The following SLC38A10 variants were observed in gnomAD, a reference collection of about 807,000 sequenced individuals.
SLC38A10 encodes solute carrier family 38 member 10.
A neutral mutation model predicts 81.0 loss-of-function variants in SLC38A10; 53 were observed. That is an observed-to-expected ratio of 0.65 (90% CI 0.53 to 0.82). The LOEUF (loss-of-function observed/expected upper bound fraction) is 0.82. SLC38A10 is among the 40% of genes least tolerant of loss of function. SLC38A10 has a pLI of 0.00. For missense variants in SLC38A10, 1,471 were observed against 1,545.0 expected, an observed-to-expected ratio of 0.95 and a Z score of 0.80; for synonymous variants, 665 against 655.3, an observed-to-expected ratio of 1.01 and a Z score of -0.23.
At position 81,245,812 on chromosome 17, in the gene SLC38A10, G is replaced by A; in HGVS notation, c.3104C>T (p.Ala1035Val). 3 of 1,608,908 alleles carry A rather than the reference G, an allele frequency of 1.9e-6. No homozygotes were observed. Among genetic ancestry groups the A allele is most frequent in the Non-Finnish European group, 2.5e-6 (3 of 1,177,100 alleles). Residue 1035 changes from alanine (A) to valine (V), a missense_variant, in exon 16 of 16, where the codon GCC becomes GTC. Transcript: ENST00000374759. ...CAGTTTCAGGTCCCGGTTGGGCTTG[G>A]CATTGTCCGGCCTCTGGCCCCCCGG... Reference protein sequence around the residue: ...AVPGGQRPDNAKPNRDLKLQA... With the variant: ...AVPGGQRPDNVKPNRDLKLQA...
At chr17:81,251,104 G>C (rs1414560703) in intron 14 of SLC38A10, 1 of 1,503,008 alleles carries the variant, frequency 6.7e-7, no homozygotes, top group African/African-American at 1.4e-5. Context: ...TCTGGGTGCA[G>C]GCACGCCCAC....
At chr17:81,273,314 C>A (rs1484607415) in intron 8 of SLC38A10, among the ~76,000 whole-genome samples, 1 of 152,144 alleles carries the variant, frequency 6.6e-6, no homozygotes, top group Non-Finnish European at 1.5e-5. Context: ...CAGCTGTGGT[C>A]TCTAGTACAG....
In SLC38A10 at chr17:81,246,906, C is replaced by T. The variant is rs374679184; in HGVS notation, c.2221G>A (p.Glu741Lys). ...KEIHQQRQED[E>K]EDKPRQVEVH... ...CTACCCTGCCTGGGTTTATCCTCCT[C>T]GTCCTCCTGCCTCTGCTGGTGGATC... The change falls in exon 15 of 16, where the codon GAG becomes AAG. Residue 741 changes from glutamate (E) to lysine (K), a missense_variant. By Grantham distance (56) the Glu-to-Lys change is moderately conservative. Around this residue, in one of 2 missense-constraint regions of SLC38A10, gnomAD observed 751 missense variants for 717.4 expected, o/e 1.05. Transcript: ENST00000374759. The T allele has an allele frequency of 1.9e-5, 31 of 1,602,306 alleles. No homozygotes were observed. The East Asian group carries it at 3.1e-4, about 16-fold the overall frequency.
Position 81,284,850 on chromosome 17 carries a change from C to A in SLC38A10, c.263G>T (p.Ser88Ile). 1 of 1,541,972 alleles carries A rather than the reference C, an allele frequency of 6.5e-7. No individual in the cohort carries two copies. The highest frequency in any genetic ancestry group is 2.0e-5 in the Admixed American group (1 of 49,996). ...GKAGKMLVET[S>I]MIGLMLGTCI... ...AGCGCAGCGGCAGGGCGGGGCTTAC[C>A]TGGTCTCCACCAGCATCTTGCCTGC... Residue 88 changes from serine (S) to isoleucine (I), a missense_variant and splice_region_variant, in exon 3 of 16, where the codon AGC becomes ATC. This residue lies in a region of SLC38A10 where 720 missense variants were observed against 827.7 expected (regional missense o/e 0.87). Transcript: ENST00000374759.
intron 13 of SLC38A10, 151 bp from the exon 14 acceptor site, chr17:81,251,763 T>C (rs1399495095): frequency 1.3e-6 from 1 of 791,236 alleles, no homozygotes; most frequent in Non-Finnish European, 1.8e-6. Context: ...TTCAACCTGA[T>C]GATTACTAGC....
intron 10 of SLC38A10, among the ~76,000 whole-genome samples, chr17:81,268,586 G>C (rs1567936624): frequency 6.6e-6 from 1 of 151,622 alleles, no homozygotes; most frequent in Non-Finnish European, 1.5e-5. Context: ...ATTACTATTT[G>C]AAACAACAAT....
At chr17:81,259,052 T>C (rs1393014953) in intron 11 of SLC38A10, among the ~76,000 whole-genome samples, 1 of 152,222 alleles carries the variant, frequency 6.6e-6, no homozygotes, top group East Asian at 1.9e-4. Flanking sequence ...GTGACAACGC[T>C]GGGAAGGAGC....
chr17:81,281,590 G>C lies in SLC38A10; in HGVS notation c.501+599C>G, dbSNP rs1185487379. ...AGGAGTTCGAGACCAGCCTGGCCAA[G>C]ATGGTGAAACCCCTTCTCTACTAAA... On this transcript the variant is annotated intron_variant, in intron 5 of 15. Coordinates refer to ENST00000374759, the MANE Select transcript of SLC38A10 (RefSeq NM_001037984.3). This position sits in a 1 kb window ranked among gnomAD's most constrained non-coding sequence, Gnocchi z 5.3. 6.6e-6 allele frequency among the ~76,000 whole-genome samples: 1 copy of C among 152,016 alleles called. No individual in the cohort carries two copies. The highest frequency in any genetic ancestry group is 1.5e-5 in the Non-Finnish European group (1 of 67,996).
rs757330583 is a variant in SLC38A10 at position 81,277,166 on chromosome 17, TGA to T, written c.627-35_627-34del. The T allele has an allele frequency of 4.2e-5, 67 of 1,601,768 alleles. No individual in the cohort carries two copies. The East Asian group carries it at 1.5e-3, about 35-fold the overall frequency. ...GAAACAGGCCATTTCACAGCGGACC[TGA>T]GAGAGGCACGCCCTCCCCAGCGGCT... is the stretch of plus-strand genomic sequence containing the variant. On this transcript the variant is annotated intron_variant, in intron 6 of 15. Transcript: ENST00000374759. This position sits in a 1 kb window ranked among gnomAD's most constrained non-coding sequence, Gnocchi z 4.5.
At chr17:81,280,974 G>C (rs2063207224) in intron 5 of SLC38A10, among the ~76,000 whole-genome samples, 1 of 152,226 alleles carries the variant, frequency 6.6e-6, no homozygotes. Flanking sequence ...CATCCCGCGG[G>C]CACCAGAGCA....
rs1314061755 is a variant in SLC38A10, at chr17:81,253,737, T to C, written c.1289-497A>G. Among the ~76,000 whole-genome samples, 2 of 101,016 alleles carry C rather than the reference T, an allele frequency of 2.0e-5. No individual in the cohort carries two copies. Among genetic ancestry groups the C allele is most frequent in the African/African-American group, 6.1e-5 (1 of 16,426 alleles). The allele number at this position is 101,016 out of a possible 152,430, so 66.3% of individuals were successfully genotyped here. ...TCACCATCATCACCATCTCCATCCC[T>C]ACCACCATCACCATCATCATCACCG... On this transcript the variant is annotated intron_variant, in intron 11 of 15. Transcript: ENST00000374759. The surrounding 1 kb of genome is among the most constrained non-coding windows in gnomAD (Gnocchi z 4.1).
chr17:81,282,774 T>C (rs1184611039), intron 4 of SLC38A10, among the ~76,000 whole-genome samples: 1 of 152,158 alleles, frequency 6.6e-6, no homozygotes. Flanking sequence ...GGGACCTAGC[T>C]CCCTGGATGC....
chr17:81,249,441 GA>G (rs2062887799), intron 14 of SLC38A10, among the ~76,000 whole-genome samples: 1 of 2,484 alleles, frequency 4.0e-4, no homozygotes. Context: ...GAGGGAGGGA[GA>G]AGGAGGGAGG....
Position 81,282,256 on chromosome 17 carries a change from T to C in SLC38A10, c.434A>G (p.Asn145Ser). ...CIVLPLSLQR[N>S]MMASIQSFSA... ...GAAGGACTGGATGGAGGCCATCATG[T>C]TCCGCTGCAGGCTGAGCGGGAGCAC... Residue 145 changes from asparagine to serine, a missense_variant, in exon 5 of 16, where the codon AAC becomes AGC. By Grantham distance (46) the Asn-to-Ser change is conservative (BLOSUM62 1). This residue lies in a region of SLC38A10 where 720 missense variants were observed against 827.7 expected (regional missense o/e 0.87). Coordinates refer to ENST00000374759, the MANE Select transcript of SLC38A10 (RefSeq NM_001037984.3). The C allele has an allele frequency of 5.0e-6, 8 of 1,613,622 alleles. No individual in the cohort carries two copies. The highest frequency in any genetic ancestry group is 6.8e-6 in the Non-Finnish European group (8 of 1,180,026).
At chr17:81,279,208 C>T (rs2063187216) in intron 6 of SLC38A10, among the ~76,000 whole-genome samples, 1 of 152,242 alleles carries the variant, frequency 6.6e-6, no homozygotes, top group African/African-American at 2.4e-5. Flanking sequence ...CCAGGGCCTC[C>T]TGGGCTCAGT....
At chr17:81,254,031 ACCT>A (rs2062949443) in intron 11 of SLC38A10, among the ~76,000 whole-genome samples, 4 of 151,994 alleles carry the variant, frequency 2.6e-5, no homozygotes, top group Admixed American at 2.6e-4. Context: ...CATCACCGTC[ACCT>A]CCACCGTCAC....
At chr17:81,271,461 T>C (rs989991297) in intron 9 of SLC38A10, among the ~76,000 whole-genome samples, 1 of 152,190 alleles carries the variant, frequency 6.6e-6, no homozygotes, top group African/African-American at 2.4e-5. Flanking sequence ...TCTAGGGCTG[T>C]TCCCTGGGGA....
chr17:81,274,256 G>A (rs1334657288), intron 8 of SLC38A10, among the ~76,000 whole-genome samples: 5 of 152,236 alleles, frequency 3.3e-5, no homozygotes, highest in Non-Finnish European at 7.3e-5. Context: ...CAGCACGTGG[G>A]GGAGGCACCC....
chr17:81,259,693 G>A (rs185117273), intron 11 of SLC38A10, among the ~76,000 whole-genome samples: 173 of 152,266 alleles, frequency 1.1e-3, no homozygotes, highest in African/African-American at 3.4e-3. Flanking sequence ...GGGGCGCTGC[G>A]GCCGGGACTC....
Sources: allele counts gnomAD v4.1 joint callset (sites outside exome capture counted in the v4.1 genomes callset), GRCh38; gene constraint gnomAD v4.1.1; regional missense constraint gnomAD v4.1.1; non-coding constraint Gnocchi (gnomAD v3.1); transcripts MANE v1.5; gene names NCBI Gene and HGNC (gene_info 2026-07-23, HGNC 2026-07-21).